SLC7A2: variants seen among roughly 807,000 people sequenced by gnomAD.
SLC7A2 encodes cationic amino acid transporter 2.
Under a neutral mutation model 58.9 loss-of-function variants are expected in SLC7A2, and 48 were observed. The ratio of observed to expected loss-of-function variants is 0.82; its 90% CI spans 0.65 to 1.04. The LOEUF (loss-of-function observed/expected upper bound fraction) is 1.04. SLC7A2 is among the 50% of genes least tolerant of loss of function. The pLI is 0.00. For synonymous variants in SLC7A2, 363 were observed against 314.5 expected (o/e 1.15, Z -1.63); for missense variants, 1,029 against 818.8 (o/e 1.26, Z -3.13).
At chr8:17,515,845 C>T (rs1037604731) in intron 2 of SLC7A2, among the ~76,000 whole-genome samples, 1 of 152,144 alleles carries the variant, frequency 6.6e-6, no homozygotes, top group Non-Finnish European at 1.5e-5. Context: ...ATCAACTGTC[C>T]TCTGTTTTAA....
chr8:17,531,220 G>A (rs1022215317), intron 2 of SLC7A2, among the ~76,000 whole-genome samples: 9 of 152,194 alleles, frequency 5.9e-5, no homozygotes, highest in East Asian at 1.9e-4. Flanking sequence ...CAGCAAGAGC[G>A]GGGAGGAAGG....
At chr8:17,535,101 C>T (rs1801609376) in intron 2 of SLC7A2, among the ~76,000 whole-genome samples, 2 of 152,132 alleles carry the variant, frequency 1.3e-5, no homozygotes, top group Admixed American at 1.3e-4. Flanking sequence ...CTACGTCTGG[C>T]TTAAAGTTCT....
At chr8:17,505,588 A>G (rs1057296344) in intron 2 of SLC7A2, among the ~76,000 whole-genome samples, 6 of 152,178 alleles carry the variant, frequency 3.9e-5, no homozygotes, top group African/African-American at 1.4e-4. Context: ...CGTAGATTTC[A>G]ATGTCTTCCT....
intron 9 of SLC7A2, among the ~76,000 whole-genome samples, chr8:17,559,183 G>T (rs974941743): frequency 6.6e-6 from 1 of 152,190 alleles, no homozygotes; most frequent in African/African-American, 2.4e-5. Context: ...GCACTGAAAA[G>T]CCTGGGGCAG....
chr8:17,499,378 C>G (rs1377831953), intron 1 of SLC7A2: 3 of 149,328 alleles, frequency 2.0e-5, no homozygotes, highest in Non-Finnish European at 1.5e-5. Flanking sequence ...CCTCATTTCT[C>G]TCTCCCTCTC....
At chr8:17,511,255 A>T (rs968982956) in intron 2 of SLC7A2, 2 of 152,170 alleles carry the variant, frequency 1.3e-5, no homozygotes, top group African/African-American at 2.4e-5. Flanking sequence ...CCTGGAACTT[A>T]AAGTAAAATT....
intron 2 of SLC7A2, among the ~76,000 whole-genome samples, chr8:17,519,854 C>G (rs1800944907): frequency 6.7e-6 from 1 of 148,482 alleles, no homozygotes; most frequent in South Asian, 2.1e-4. Context: ...ATGTCTCCTC[C>G]ATAAAACCTT....
At chr8:17,503,341 C>T (rs559118418) in intron 2 of SLC7A2, among the ~76,000 whole-genome samples, 8 of 152,230 alleles carry the variant, frequency 5.3e-5, no homozygotes, top group African/African-American at 1.4e-4. Flanking sequence ...TGAGCCACCG[C>T]GCCCGGCTGA....
intron 2 of SLC7A2, among the ~76,000 whole-genome samples, chr8:17,514,783 G>T (rs746502296): frequency 1.3e-5 from 2 of 152,178 alleles, no homozygotes; most frequent in African/African-American, 2.4e-5. Flanking sequence ...ACAACTACCT[G>T]AAGTCTCAGA....
In SLC7A2 at chr8:17,543,652, G is replaced by C. The variant is rs145975234; in HGVS notation, c.313G>C (p.Val105Leu). 2.8e-3 allele frequency: 4,338 copies of C among 1,551,144 alleles called. 31 individuals carry two copies. Among genetic ancestry groups the C allele is most frequent in the South Asian group, 0.015 (1,213 of 79,472 alleles). ...KTGSAYLYTY[V>L]TVGELWAFIT... ...GGGGTCTGCATATTTGTACACCTAC[G>C]TGACTGTCGGAGAGCTGTGGGCCTT... Residue 105 changes from valine (V) to leucine (L), a missense_variant, in exon 3 of 13, where the codon GTG (valine) becomes CTG (leucine). By Grantham distance (32) the Val-to-Leu change is conservative (BLOSUM62 1). Coordinates refer to ENST00000494857, the MANE Select transcript of SLC7A2 (RefSeq NM_001370338.1).
chr8:17,510,972 C>A (rs1287294896), intron 2 of SLC7A2: 1 of 152,110 alleles, frequency 6.6e-6, no homozygotes. Context: ...AAGCTGGAAG[C>A]CATCATCCTC....
At chr8:17,547,702 G>A (rs1478104224) in intron 4 of SLC7A2, among the ~76,000 whole-genome samples, 2 of 151,898 alleles carry the variant, frequency 1.3e-5, no homozygotes, top group East Asian at 3.9e-4. Flanking sequence ...ATAAATAAGG[G>A]ATGAATTAAA....
intron 2 of SLC7A2, among the ~76,000 whole-genome samples, chr8:17,516,824 T>C (rs1307676057): frequency 1.3e-5 from 2 of 152,238 alleles, no homozygotes; most frequent in African/African-American, 4.8e-5. Flanking sequence ...CAAGTATCCA[T>C]TGATTCAGGA....
At chr8:17,564,591 C>T (rs1803174895) in intron 12 of SLC7A2, among the ~76,000 whole-genome samples, 1 of 152,098 alleles carries the variant, frequency 6.6e-6, no homozygotes, top group African/African-American at 2.4e-5. Flanking sequence ...GATCATCAGG[C>T]ATTAGTTAGA....
At chr8:17,498,566 C>G (rs913173025) in intron 1 of SLC7A2, 4 of 152,186 alleles carry the variant, frequency 2.6e-5, no homozygotes, top group Non-Finnish European at 4.4e-5. Flanking sequence ...CCTTTTCCTA[C>G]AAAGTTGCTA....
chr8:17,521,247 G>A (rs1207198080), intron 2 of SLC7A2, among the ~76,000 whole-genome samples: 1 of 152,114 alleles, frequency 6.6e-6, no homozygotes, highest in Non-Finnish European at 1.5e-5. Context: ...AAAATGAAGG[G>A]AAATACTTGT....
chr8:17,543,512 A>G lies in SLC7A2; in HGVS notation c.173A>G (p.Glu58Gly), dbSNP rs1802014916. The G allele has an allele frequency of 6.2e-7, 1 of 1,613,644 alleles. No individual in the cohort carries two copies. The highest frequency in any genetic ancestry group is 1.3e-5 in the African/African-American group (1 of 74,946). ...LGAGVYVLAG[E>G]VAKADSGPSI... ...GCCGGGGTTTATGTCCTCGCTGGGGAGGTGGCCAAGGCAGACTCGGGCCCC... is the reference window on the plus strand; with the variant it reads ...GCCGGGGTTTATGTCCTCGCTGGGGGGGTGGCCAAGGCAGACTCGGGCCCC... Residue 58 changes from glutamate (E) to glycine (G), a missense_variant, in exon 3 of 13, where the codon GAG becomes GGG. By Grantham distance (98) the Glu-to-Gly change is moderately conservative. Coordinates refer to ENST00000494857, the MANE Select transcript of SLC7A2 (RefSeq NM_001370338.1).
At chr8:17,502,358 A>G (rs1301512800) in intron 2 of SLC7A2, 56 bp downstream of exon 2, 14 of 152,186 alleles carry the variant, frequency 9.2e-5, no homozygotes, top group Admixed American at 9.2e-4. Context: ...GGACTGATAA[A>G]AAAAAAATGT....
intron 2 of SLC7A2, chr8:17,538,720 CA>C (rs1801778943): frequency 7.4e-7 from 1 of 1,351,902 alleles, no homozygotes; most frequent in Non-Finnish European, 1.0e-6. Flanking sequence ...AGGGCAAAAA[CA>C]GTATGGTAAA....
Sources: gnomAD v4.1 joint callset for allele counts (sites outside exome capture counted in the v4.1 genomes callset) on GRCh38, gnomAD v4.1.1 for gene constraint, MANE v1.5 for transcripts, NCBI Gene and HGNC (gene_info 2026-07-23, HGNC 2026-07-21) for gene names.